The following PAPLN variants were observed in gnomAD, a reference collection of about 807,000 sequenced individuals.
PAPLN encodes the protein papilin.
PAPLN carries 146 observed loss-of-function variants against 159.0 expected under a neutral mutation model. The observed-to-expected ratio is 0.92, with a 90% CI of 0.80 to 1.05. PAPLN has a LOEUF of 1.05. PAPLN is among the 50% of genes least tolerant of loss of function. PAPLN has a pLI of 0.00. For missense variants in PAPLN, 1,720 were observed against 1,743.9 expected (o/e 0.99, Z 0.24); for synonymous variants, 734 against 702.9 (o/e 1.04, Z -0.70).
At chr14:73,239,473 C>T (rs1487960167) in intron 1 of PAPLN, 3 of 381,564 alleles carry the variant, frequency 7.9e-6, no homozygotes, top group Non-Finnish European at 1.4e-5. Flanking sequence ...GTTTTTCAAC[C>T]ACATAGAAGT....
Position 73,273,296 on chromosome 14 carries a change from T to G in PAPLN, c.*632T>G, listed in dbSNP as rs56390227. 0.16 allele frequency: 23,571 copies of G among 149,710 alleles called. 2,616 individuals carry two copies. Among genetic ancestry groups the G allele is most frequent in the Non-Finnish European group, 0.23 (15,635 of 67,524 alleles). 9.3% of individuals were successfully genotyped at this position (149,710 alleles called of 1,614,324 possible). ...CGCCCAGCCATCAATGCATTTTTTT[T>G]ATTTTTTTTTTGAGACAGAGTTTCG... On this transcript the variant is annotated 3_prime_UTR_variant, in exon 27 of 27. Transcript: ENST00000644200.
In PAPLN at chr14:73,251,115, C is replaced by G. The variant is rs1343112094; in HGVS notation, c.589+85C>G. The G allele has an allele frequency of 2.0e-6, 3 of 1,525,430 alleles. No individual in the cohort carries two copies. The South Asian group carries it at 3.8e-5, about 20-fold the overall frequency. 94.5% of individuals were successfully genotyped at this position (1,525,430 alleles called of 1,614,324 possible). Reference sequence around the variant, plus strand: ...GCCTGTCCCTGCTCTGGCCTAGACTCCAGGCCAAGTGGCCCTCATGGCACT... The same window carrying G: ...GCCTGTCCCTGCTCTGGCCTAGACTGCAGGCCAAGTGGCCCTCATGGCACT... On this transcript the variant is annotated intron_variant, in intron 7 of 26. Transcript: ENST00000644200.
chr14:73,265,311 TG>T lies in PAPLN; in HGVS notation c.3126-56del. ...CACCAGGCTTGTGCAGAGGTGCCCA[TG>T]GGAGTAGGCGGGGGCAACGGCAAGG... On this transcript the variant is annotated intron_variant, in intron 22 of 26. Transcript: ENST00000644200. The surrounding 1 kb of genome is among the most constrained non-coding windows in gnomAD (Gnocchi z 4.1). 2 of 1,579,308 alleles carry T rather than the reference TG, an allele frequency of 1.3e-6. No individual in the cohort carries two copies. The highest frequency in any genetic ancestry group is 1.7e-6 in the Non-Finnish European group (2 of 1,166,966).
chr14:73,252,886 GCCC>G, intron 11 of PAPLN, 111 bp downstream of exon 11: 1 of 1,504,756 alleles, frequency 6.6e-7, no homozygotes, highest in Non-Finnish European at 8.9e-7. Flanking sequence ...GGGGTCCAGG[GCCC>G]CCCACGCTGT....
chr14:73,238,495 A>G (rs1357795176), intron 1 of PAPLN, among the ~76,000 whole-genome samples: 1 of 152,264 alleles, frequency 6.6e-6, no homozygotes, highest in East Asian at 1.9e-4. Flanking sequence ...CTTGGAGTTC[A>G]GTGAAATTGC....
chr14:73,264,823 C>A, intron 22 of PAPLN, 97 bp downstream of exon 22: 1 of 1,563,692 alleles, frequency 6.4e-7, no homozygotes, highest in South Asian at 1.2e-5. Context: ...GTGACCAGGC[C>A]TTGCCAGCCC....
In PAPLN at chr14:73,264,409, C is replaced by A; in HGVS notation, c.2986+74C>A. Reference sequence around the variant, plus strand: ...GGAAGGCCAGGATGGGGAGCCTGACCGAGGGCTGCCTCACGCTAGAGGGGC... The same window carrying A: ...GGAAGGCCAGGATGGGGAGCCTGACAGAGGGCTGCCTCACGCTAGAGGGGC... On this transcript the variant is annotated intron_variant, in intron 21 of 26. Transcript: ENST00000644200. 24 of 1,564,018 alleles carry A rather than the reference C, an allele frequency of 1.5e-5. No homozygotes were observed. In the South Asian group the frequency reaches 2.7e-4, roughly 17 times the overall value.
At chr14:73,241,590 C>T (rs1432828825) in intron 2 of PAPLN, among the ~76,000 whole-genome samples, 2 of 152,246 alleles carry the variant, frequency 1.3e-5, no homozygotes, top group African/African-American at 2.4e-5. Context: ...CCCAGTGAGT[C>T]TCAGATGGGG....
chr14:73,261,642 G>A (rs1886600429), intron 18 of PAPLN, among the ~76,000 whole-genome samples: 1 of 152,226 alleles, frequency 6.6e-6, no homozygotes, highest in Non-Finnish European at 1.5e-5. Flanking sequence ...CCCTGACCCT[G>A]CCTGGAATGT....
intron 2 of PAPLN, chr14:73,243,620 A>T (rs771274948): frequency 6.6e-6 from 1 of 152,132 alleles, no homozygotes; most frequent in Non-Finnish European, 1.5e-5. Flanking sequence ...TATTCATGCA[A>T]TGGGGTCTGT....
At chr14:73,257,807 A>T (rs1377449873) in intron 14 of PAPLN, among the ~76,000 whole-genome samples, 1 of 119,686 alleles carries the variant, frequency 8.4e-6, no homozygotes, top group African/African-American at 3.3e-5. Flanking sequence ...TCTGTCGCCC[A>T]GTTTGGAGTG....
rs760760449 is a variant in PAPLN at position 73,250,935 on chromosome 14, C to T, written c.494C>T (p.Ser165Leu). Residue 165 changes from serine (S) to leucine (L), a missense_variant, in exon 7 of 27, where the codon TCG (serine) becomes TTG (leucine). Physicochemically the swap from Ser to Leu is moderately radical, Grantham distance 145 (BLOSUM62 -2). Transcript: ENST00000644200. Reference protein sequence around the residue: ...RVVGCDHELDSSKQEDKCLRC... With the variant: ...RVVGCDHELDLSKQEDKCLRC... ...GTCGGCTGTGATCACGAGCTGGACT[C>T]GTCCAAGCAGGAGGACAAGTGTCTG... The T allele has an allele frequency of 8.1e-6, 13 of 1,613,502 alleles. No homozygotes were observed. The highest frequency in any genetic ancestry group is 6.6e-5 in the South Asian group (6 of 91,058).
rs939559349 is a variant in PAPLN at position 73,245,978 on chromosome 14, G to C, written c.232-95G>C. On this transcript the variant is annotated intron_variant, in intron 4 of 26. Transcript: ENST00000644200. The surrounding 1 kb of genome is among the most constrained non-coding windows in gnomAD (Gnocchi z 4.2). ...CGGCGGCTCCGATGGGGCAGGCAAG[G>C]GAGACTCCTGGGCTCCCTGGGCTCG... is the stretch of plus-strand genomic sequence containing the variant. 8.6e-6 allele frequency: 11 copies of C among 1,279,336 alleles called. No homozygotes were observed. In the African/African-American group the frequency reaches 1.4e-4, roughly 16 times the overall value. 79.2% of individuals were successfully genotyped at this position (1,279,336 alleles called of 1,614,324 possible).
chr14:73,260,168 C>A (rs1323506011), intron 16 of PAPLN, among the ~76,000 whole-genome samples: 1 of 152,186 alleles, frequency 6.6e-6, no homozygotes, highest in African/African-American at 2.4e-5. Flanking sequence ...TTTTGGGTTC[C>A]TCTTCTGAGA....
chr14:73,251,329 T>C (rs757264339), intron 7 of PAPLN, among the ~76,000 whole-genome samples, 157 bp from the exon 8 acceptor site: 2 of 152,184 alleles, frequency 1.3e-5, no homozygotes, highest in Non-Finnish European at 2.9e-5. Context: ...CTGCGGCCTC[T>C]TCTGCCAGGG....
At chr14:73,236,112 C>T (rs774359325), upstream of PAPLN, among the ~76,000 whole-genome samples, 8 of 152,154 alleles carry the variant, frequency 5.3e-5, no homozygotes, top group Non-Finnish European at 8.8e-5. Context: ...TTCTTCCCCC[C>T]AACCTCCCTC....
intron 18 of PAPLN, 103 bp from the exon 19 acceptor site, chr14:73,262,247 A>G (rs1298880085): frequency 1.7e-6 from 2 of 1,155,568 alleles, no homozygotes; most frequent in East Asian, 2.4e-5. Flanking sequence ...CATGCTTTAT[A>G]AGTGGGGAAG....
At position 73,251,845 on chromosome 14, in the gene PAPLN, G is replaced by A; in HGVS notation, c.843+9G>A. ...AGCCCCTGGTCATCGAGGTAAATGG[G>A]GGTGTGGGGAGAGAGGGCGAGTGGG... On this transcript the variant is annotated intron_variant, in intron 9 of 26. Transcript: ENST00000644200. 1 of 1,588,650 alleles carries A rather than the reference G, an allele frequency of 6.3e-7. No individual in the cohort carries two copies. Among genetic ancestry groups the A allele is most frequent in the Non-Finnish European group, 8.5e-7 (1 of 1,170,072 alleles).
At chr14:73,270,411 G>A (rs1446861382) in intron 26 of PAPLN, among the ~76,000 whole-genome samples, 1 of 152,222 alleles carries the variant, frequency 6.6e-6, no homozygotes, top group Non-Finnish European at 1.5e-5. Flanking sequence ...CGGTGAACGG[G>A]AGCGTTAAAA....
Sources: allele counts gnomAD v4.1 joint callset (sites outside exome capture counted in the v4.1 genomes callset), GRCh38; gene constraint gnomAD v4.1.1; non-coding constraint Gnocchi (gnomAD v3.1); transcripts MANE v1.5; gene names NCBI Gene and HGNC (gene_info 2026-07-23, HGNC 2026-07-21).